The following MADD variants were observed in gnomAD, a reference collection of about 807,000 sequenced individuals.
MADD encodes the protein MAP kinase activating death domain.
A neutral mutation model predicts 176.7 loss-of-function variants in MADD; 109 were observed. That is an observed-to-expected ratio of 0.62 (90% CI 0.53 to 0.72). The LOEUF is 0.72. Among genes scored for constraint, MADD ranks in the 30% least tolerant of loss-of-function variants. The probability of loss-of-function intolerance (pLI) is 0.00; values close to 1 mark genes in which losing one functional copy is unlikely to be tolerated. For missense variants in MADD, 1,914 were observed against 2,045.5 expected (o/e 0.94, Z 1.24); for synonymous variants, 771 against 771.3 (o/e 1.00, Z 0.01).
At chr11:47,328,839 C>A in intron 32 of MADD, 135 bp downstream of exon 36, 1 of 1,145,622 alleles carries the variant, frequency 8.7e-7, no homozygotes, top group African/African-American at 1.5e-5. Context: ...AGGTTCAACT[C>A]AGGCTGAAAC....
intron 30 of MADD, 139 bp from the exon 34 acceptor site, chr11:47,326,405 G>A (rs1486026518): frequency 2.4e-6 from 1 of 413,896 alleles, no homozygotes; most frequent in Non-Finnish European, 3.6e-6. Context: ...GGGGACCCCT[G>A]GGGCACTGTG....
chr11:47,320,434 G>A (rs543621382), intron 27 of MADD, among the ~76,000 whole-genome samples: 2 of 150,968 alleles, frequency 1.3e-5, no homozygotes, highest in East Asian at 2.0e-4. Flanking sequence ...CAGCCTGGGC[G>A]ACAGAGCAAG....
intron 25 of MADD, among the ~76,000 whole-genome samples, chr11:47,311,228 A>T (rs2088803565): frequency 6.6e-6 from 1 of 152,182 alleles, no homozygotes; most frequent in Non-Finnish European, 1.5e-5. Flanking sequence ...AATGCAGAGA[A>T]TGCCCCCAGC....
rs1717423882 is a variant in MADD at position 47,329,226 on chromosome 11, C to CTGTGACTGAGGAGTGGATGA, written c.*79_*98dup. The CTGTGACTGAGGAGTGGATGA allele has an allele frequency of 3.6e-6, 4 of 1,109,372 alleles. No homozygotes were observed. In the Admixed American group the frequency reaches 6.8e-5, roughly 19 times the overall value. 68.7% of individuals were successfully genotyped at this position (1,109,372 alleles called of 1,614,324 possible). Reference sequence around the variant, plus strand: ...TGCTGTTCCCAAGTGCACGATGCTGCTGTGACTGAGGAGTGGATGATGCTC... The same window carrying CTGTGACTGAGGAGTGGATGA: ...TGCTGTTCCCAAGTGCACGATGCTGCTGTGACTGAGGAGTGGATGATGTGACTGAGGAGTGGATGATGCTC... On this transcript the variant is annotated 3_prime_UTR_variant, in exon 33 of 33. Transcript: ENST00000402192.
At chr11:47,316,932 C>T (rs1029150503) in intron 27 of MADD, among the ~76,000 whole-genome samples, 6 of 151,402 alleles carry the variant, frequency 4.0e-5, no homozygotes, top group Middle Eastern at 3.4e-3. Context: ...TTAGTAGAGA[C>T]GGGGCTTCAC....
At chr11:47,307,659 T>G (rs1057064566) in intron 22 of MADD, among the ~76,000 whole-genome samples, 6 of 151,954 alleles carry the variant, frequency 3.9e-5, no homozygotes, top group African/African-American at 1.4e-4. Flanking sequence ...TTTTTTTTTT[T>G]GTGAGATGGA....
At chr11:47,321,266 C>T (rs2094431519) in intron 27 of MADD, among the ~76,000 whole-genome samples, 1 of 152,174 alleles carries the variant, frequency 6.6e-6, no homozygotes, top group South Asian at 2.1e-4. Flanking sequence ...TGTCCATTTT[C>T]CCCCTGGAGA....
intron 19 of MADD, 93 bp downstream of exon 20, chr11:47,290,909 C>T: frequency 9.5e-7 from 1 of 1,054,002 alleles, no homozygotes; most frequent in East Asian, 2.6e-5. Flanking sequence ...CTTTCTCTGC[C>T]CCATGCTTTG....
chr11:47,284,880 G>T, intron 12 of MADD, 61 bp from the exon 13 acceptor site: 1 of 1,595,488 alleles, frequency 6.3e-7, no homozygotes. Flanking sequence ...TGCCAAACTG[G>T]GATTACAGGA....
In MADD at chr11:47,309,367, G is replaced by T. The variant is rs769448643; in HGVS notation, c.3838G>T (p.Gly1280Cys). 31 of 1,614,076 alleles carry T rather than the reference G, an allele frequency of 1.9e-5. 1 individual carries two copies. In the South Asian group the frequency reaches 3.3e-4, roughly 17 times the overall value. The change falls in exon 24 of 33, where the codon GGT becomes TGT. Residue 1280 changes from glycine (G) to cysteine (C), a missense_variant. Gly to Cys is a radical substitution (Grantham distance 159). Around this residue, in one of 2 missense-constraint regions of MADD, gnomAD observed 1,767 missense variants for 1,836.0 expected, o/e 0.96. Transcript: ENST00000402192. ...TGTGATGTTGGAGAGAGAAGGGATG[G>T]GTATGGACCAGGGTCCCCAGGAAAT...
At chr11:47,324,141 T>C (rs541089131) in intron 28 of MADD, 124 bp from the exon 32 acceptor site, 2 of 789,888 alleles carry the variant, frequency 2.5e-6, no homozygotes, top group African/African-American at 3.4e-5. Flanking sequence ...ATCCGAAAAA[T>C]AGGAGGACTA....
At chr11:47,317,722 G>T (rs1239387152) in intron 27 of MADD, among the ~76,000 whole-genome samples, 11 of 151,628 alleles carry the variant, frequency 7.3e-5, no homozygotes, top group Non-Finnish European at 1.3e-4. Flanking sequence ...TTTGTCTTCT[G>T]ATTTTGCCTA....
rs2056771240 is a variant in MADD at position 47,281,555 on chromosome 11, A to G, written c.1291-20A>G. 1.3e-6 allele frequency: 2 copies of G among 1,579,756 alleles called. No homozygotes were observed. The highest frequency in any genetic ancestry group is 1.7e-6 in the Non-Finnish European group (2 of 1,157,152). ...CCCAGGGACGTTCCTTGTGTAAGGAATTTTCTTGTTGTTCCACAGGCCTTG... is the reference window on the plus strand; with the variant it reads ...CCCAGGGACGTTCCTTGTGTAAGGAGTTTTCTTGTTGTTCCACAGGCCTTG... On this transcript the variant is annotated intron_variant, in intron 7 of 32. Transcript: ENST00000402192.
intron 6 of MADD, 77 bp from the exon 7 acceptor site, chr11:47,278,922 C>T (rs867378254): frequency 8.1e-7 from 1 of 1,234,526 alleles, no homozygotes; most frequent in Middle Eastern, 1.9e-4. Flanking sequence ...TATACGTCCT[C>T]TTATTTTTAT....
chr11:47,285,843 C>T (rs2060241846), intron 14 of MADD, among the ~76,000 whole-genome samples: 1 of 152,300 alleles, frequency 6.6e-6, no homozygotes, highest in East Asian at 1.9e-4. Flanking sequence ...AACTGGAAAA[C>T]AGGCAGTAAA....
rs1161894818 is a variant in MADD at position 47,325,867 on chromosome 11, C to T, written c.4543-871C>T. Among the ~76,000 whole-genome samples the T allele has an allele frequency of 6.6e-6, 1 of 152,226 alleles. No homozygotes were observed. The highest frequency in any genetic ancestry group is 1.5e-5 in the Non-Finnish European group (1 of 68,048). ...CCAGTCTGTGGTTGAAGGCTTGGCC[C>T]CTAGAAGATAGACTGCAGAGAAGGG... On this transcript the variant is annotated intron_variant, in intron 30 of 32. Transcript: ENST00000402192. The surrounding 1 kb of genome is among the most constrained non-coding windows in gnomAD (Gnocchi z 4.5).
chr11:47,300,446 A>G (rs1041391849), intron 22 of MADD, among the ~76,000 whole-genome samples: 2 of 131,092 alleles, frequency 1.5e-5, no homozygotes, highest in East Asian at 3.2e-4. Flanking sequence ...ACCTCAAGTG[A>G]TCTACCCCCC....
chr11:47,296,010 G>T (rs1471108544), exon 22 of MADD: 5 of 1,614,024 alleles, frequency 3.1e-6, no homozygotes, highest in Non-Finnish European at 4.2e-6. Context: ...GGGGCACTTT[G>T]TCTGATAGTG....
At chr11:47,309,462 T>C (rs770652316) in intron 24 of MADD, 45 bp from the exon 28 acceptor site, 1 of 1,614,128 alleles carries the variant, frequency 6.2e-7, no homozygotes, top group Admixed American at 1.7e-5. Flanking sequence ...GTTAGTTCTG[T>C]GGTCTCCCAC....
Sources: gnomAD v4.1 joint callset for allele counts (sites outside exome capture counted in the v4.1 genomes callset) on GRCh38, gnomAD v4.1.1 for gene constraint, gnomAD v4.1.1 regional missense constraint, Gnocchi (gnomAD v3.1) non-coding constraint, MANE v1.5 for transcripts, NCBI Gene and HGNC (gene_info 2026-07-23, HGNC 2026-07-21) for gene names.